The following UBXN1 variants were observed in gnomAD, a reference collection of about 807,000 sequenced individuals.
UBXN1 encodes UBX domain protein 1, also known as UBX domain-containing protein 1.
UBXN1 carries 21 observed loss-of-function variants against 42.0 expected under a neutral mutation model. The observed-to-expected ratio is 0.50, with a 90% CI of 0.35 to 0.72. The LOEUF is 0.72. UBXN1 is among the 30% of genes least tolerant of loss of function. The pLI is 0.00. For synonymous variants in UBXN1, 172 were observed against 142.6 expected (o/e 1.21, Z -1.47); for missense variants, 374 against 382.2 (o/e 0.98, Z 0.18).
chr11:62,677,906 C>T (rs1230010283), intron 5 of UBXN1, 21 bp downstream of exon 5: 2 of 1,613,932 alleles, frequency 1.2e-6, no homozygotes, highest in East Asian at 2.2e-5. Context: ...ATCTGCTATC[C>T]ATCATTTCCC....
chr11:62,679,062 A>G lies in UBXN1; in HGVS notation c.-139T>C, dbSNP rs937597196. ...ACCCGGCTCTATAGCAGCCGGGAAC[A>G]CCGACGAGAAGAAAGCCGAGGGGAA... On this transcript the variant is annotated 5_prime_UTR_variant, in exon 1 of 9. Coordinates refer to ENST00000301935, the MANE Select transcript of UBXN1 (RefSeq NM_001286077.2). 1.9e-5 allele frequency: 17 copies of G among 918,528 alleles called. No homozygotes were observed. The highest frequency in any genetic ancestry group is 2.6e-5 in the Non-Finnish European group (16 of 623,202). The allele number at this position is 918,528 out of a possible 1,614,324, so 56.9% of individuals were successfully genotyped here. A position where few individuals can be genotyped will look rare whatever the true frequency, so the allele number is the denominator to read the frequency against.
At position 62,677,510 on chromosome 11, in the gene UBXN1, A is replaced by T; in HGVS notation, c.651+8T>A. ...TCCCAAGAGGAAGATAAGAATTAGA[A>T]TCAGTACCTGTATGCGACACTGGTC... On this transcript the variant is annotated splice_region_variant and intron_variant, in intron 7 of 8. Coordinates refer to ENST00000301935, the MANE Select transcript of UBXN1 (RefSeq NM_001286077.2). The T allele has an allele frequency of 1.2e-6, 2 of 1,613,914 alleles. No homozygotes were observed. Among genetic ancestry groups the T allele is most frequent in the Non-Finnish European group, 1.7e-6 (2 of 1,179,780 alleles).
intron 2 of UBXN1, 40 bp from the exon 3 acceptor site, chr11:62,678,641 G>GCCCCCCCCC: frequency 1.9e-6 from 3 of 1,596,346 alleles, no homozygotes; most frequent in Admixed American, 1.7e-5. Flanking sequence ...CTTTGAGGCT[G>GCCCCCCCCC]CCCCTCCCGC....
Position 62,678,331 on chromosome 11 carries a change from T to TAA in UBXN1, c.290+7_290+8insTT, listed in dbSNP as rs756602937. ...ACCCTCAGACACGTGAGATTGTTGT[T>TAA]ACTGTACCTCTTAGTTTGTTCCTGT... On this transcript the variant is annotated splice_region_variant and intron_variant, in intron 4 of 8. Transcript: ENST00000301935. The TAA allele has an allele frequency of 6.2e-7, 1 of 1,614,168 alleles. No homozygotes were observed. The highest frequency in any genetic ancestry group is 1.7e-5 in the Admixed American group (1 of 60,008).
rs764283196 is a variant in UBXN1 at position 62,678,528 on chromosome 11, C to G, written c.187G>C (p.Glu63Gln). 1.2e-6 allele frequency: 2 copies of G among 1,611,344 alleles called. No individual in the cohort carries two copies. The highest frequency in any genetic ancestry group is 2.2e-5 in the East Asian group (1 of 44,852). The change falls in exon 3 of 9, where the codon GAG (glutamate) becomes CAG (glutamine). Residue 63 changes from glutamate to glutamine, a missense_variant. Glu to Gln is a conservative substitution (Grantham distance 29). Transcript: ENST00000301935. ...CCGCCTTGCTCTGAGGAAGTGGGCT[C>G]CCGTCCCAGGATATGTCCAAGGGGA... The part of the protein sequence containing the change: ...ETPLGHILGR[E>Q]PTSSEQGGLE...
In UBXN1 at chr11:62,679,030, C is replaced by T. The variant is rs913388254; in HGVS notation, c.-107G>A. On this transcript the variant is annotated 5_prime_UTR_variant, in exon 1 of 9. Coordinates refer to ENST00000301935, the MANE Select transcript of UBXN1 (RefSeq NM_001286077.2). ...CTCGACACCCGCCGACGGGCGCTCG[C>T]TCTCTCACCCGGCTCTATAGCAGCC... 3.2e-6 allele frequency: 4 copies of T among 1,245,582 alleles called. No homozygotes were observed. Among genetic ancestry groups the T allele is most frequent in the African/African-American group, 1.5e-5 (1 of 66,408 alleles). 77.2% of individuals were successfully genotyped at this position (1,245,582 alleles called of 1,614,324 possible). A position where few individuals can be genotyped will look rare whatever the true frequency, so the allele number is the denominator to read the frequency against.
Position 62,678,762 on chromosome 11 carries a change from T to A in UBXN1, c.60-19A>T. ...CTTCTCCCTGGGGGCAGAAACACCA[T>A]GAATAGCGCCCACGAGCCATGGTGA... On this transcript the variant is annotated intron_variant, in intron 1 of 8. Transcript: ENST00000301935. 1.2e-6 allele frequency: 2 copies of A among 1,609,186 alleles called. No homozygotes were observed. The highest frequency in any genetic ancestry group is 1.7e-6 in the Non-Finnish European group (2 of 1,177,610).
chr11:62,677,344 T>A (rs1945036157), intron 7 of UBXN1, 174 bp downstream of exon 7: 3 of 711,022 alleles, frequency 4.2e-6, no homozygotes. Context: ...TAAATACAAC[T>A]GGGGCAGGTG....
At chr11:62,678,828 C>A (rs1427197446) in intron 1 of UBXN1, 37 bp downstream of exon 1, 6 of 1,608,996 alleles carry the variant, frequency 3.7e-6, no homozygotes, top group Non-Finnish European at 5.1e-6. Context: ...TCCGCGACCC[C>A]CCACACCCGC....
At chr11:62,677,721 C>A in intron 6 of UBXN1, 60 bp downstream of exon 6, 2 of 1,613,530 alleles carry the variant, frequency 1.2e-6, no homozygotes, top group Non-Finnish European at 1.7e-6. Flanking sequence ...CCCTCTGAAG[C>A]TGGAAAAGAT....
chr11:62,678,986 C>A lies in UBXN1; in HGVS notation c.-63G>T. 6.6e-7 allele frequency: 1 copy of A among 1,517,284 alleles called. No homozygotes were observed. Among genetic ancestry groups the A allele is most frequent in the South Asian group, 1.2e-5 (1 of 82,546 alleles). The allele number at this position is 1,517,284 out of a possible 1,614,324, so 94.0% of individuals were successfully genotyped here. ...TGACGAGAAGGAGGGCGGGAAGGGT[C>A]AGCGCGAGGCAACCCGCCCTCGACA... On this transcript the variant is annotated 5_prime_UTR_variant, in exon 1 of 9. Coordinates refer to ENST00000301935, the MANE Select transcript of UBXN1 (RefSeq NM_001286077.2).
chr11:62,678,156 C>CA, intron 4 of UBXN1, 38 bp from the exon 5 acceptor site: 1 of 1,610,872 alleles, frequency 6.2e-7, no homozygotes, highest in Non-Finnish European at 8.5e-7. Context: ...GAGAAATGGA[C>CA]AGAGTGGGAA....
In UBXN1 at chr11:62,678,323, ATTG is replaced by A; in HGVS notation, c.290+13_290+15del. ...GGAAGACGACCCTCAGACACGTGAG[ATTG>A]TTGTTACTGTACCTCTTAGTTTGTT... On this transcript the variant is annotated intron_variant, in intron 4 of 8. Coordinates refer to ENST00000301935, the MANE Select transcript of UBXN1 (RefSeq NM_001286077.2). The A allele has an allele frequency of 6.2e-7, 1 of 1,614,100 alleles. No homozygotes were observed. The highest frequency in any genetic ancestry group is 1.1e-5 in the South Asian group (1 of 91,072).
chr11:62,677,144 G>A, intron 7 of UBXN1, 139 bp from the exon 8 acceptor site: 1 of 956,036 alleles, frequency 1.0e-6, no homozygotes, highest in Non-Finnish European at 1.5e-6. Flanking sequence ...CAAATGAACA[G>A]CCACTTAGGC....
chr11:62,676,746 C>A lies in UBXN1; in HGVS notation c.844+67G>T, dbSNP rs1445458818. 1.2e-6 allele frequency: 2 copies of A among 1,614,072 alleles called. No homozygotes were observed. The highest frequency in any genetic ancestry group is 2.7e-5 in the African/African-American group (2 of 74,936). On this transcript the variant is annotated intron_variant, in intron 8 of 8. Coordinates refer to ENST00000301935, the MANE Select transcript of UBXN1 (RefSeq NM_001286077.2). ...CAAAGCCCCTTCTCTTTGCATCCCT[C>A]CTTTTCCTAGGCATGCCTCCCTACT...
At chr11:62,677,699 A>C in intron 6 of UBXN1, 65 bp from the exon 7 acceptor site, 1 of 1,613,310 alleles carries the variant, frequency 6.2e-7, no homozygotes, top group Non-Finnish European at 8.5e-7. Flanking sequence ...AGATCATATA[A>C]GCCCATGCTT....
chr11:62,678,538 GAT>G lies in UBXN1; in HGVS notation c.175_176del (p.Ile59ProfsTer14). 1 of 1,611,740 alleles carries G rather than the reference GAT, an allele frequency of 6.2e-7. No homozygotes were observed. Among genetic ancestry groups the G allele is most frequent in the Non-Finnish European group, 8.5e-7 (1 of 1,178,664 alleles). On this transcript the variant is annotated frameshift_variant, in exon 3 of 9. Coordinates refer to ENST00000301935, the MANE Select transcript of UBXN1 (RefSeq NM_001286077.2). LOFTEE classifies it high-confidence loss of function. ...CTGAGGAAGTGGGCTCCCGTCCCAGGATATGTCCAAGGGGAGTCTCTAAAGGC... is the reference window on the plus strand; with the variant it reads ...CTGAGGAAGTGGGCTCCCGTCCCAGGATGTCCAAGGGGAGTCTCTAAAGGC... ...DEPLETPLGH[I>X]LGREPTSSEQ... is the part of the protein sequence containing the mutation.
Position 62,678,523 on chromosome 11 carries a change from G to T in UBXN1, c.192C>A (p.Pro64=), listed in dbSNP as rs748564352. 6.2e-7 allele frequency: 1 copy of T among 1,611,436 alleles called. No homozygotes were observed. The highest frequency in any genetic ancestry group is 2.2e-5 in the East Asian group (1 of 44,844). The change falls in exon 3 of 9, where the codon CCC becomes CCA. Residue 64 remains proline, a synonymous_variant. Coordinates refer to ENST00000301935, the MANE Select transcript of UBXN1 (RefSeq NM_001286077.2). The part of the protein sequence containing the change: ...TPLGHILGRE[P]TSSEQGGLEG... ...CAAGGCCGCCTTGCTCTGAGGAAGT[G>T]GGCTCCCGTCCCAGGATATGTCCAA... is the stretch of plus-strand genomic sequence containing the variant.
rs775676482 is a variant in UBXN1, at chr11:62,676,657, C to T, written c.845-18G>A. 1 of 1,614,196 alleles carries T rather than the reference C, an allele frequency of 6.2e-7. No individual in the cohort carries two copies. Among genetic ancestry groups the T allele is most frequent in the Admixed American group, 1.7e-5 (1 of 60,010 alleles). On this transcript the variant is annotated intron_variant, in intron 8 of 8. Coordinates refer to ENST00000301935, the MANE Select transcript of UBXN1 (RefSeq NM_001286077.2). ...CACGAGTCCTGAAGATGGAAGAAAA[C>T]AGGCTTGAACCACAAGGATACTTGG...
Sources: gnomAD v4.1 joint callset for allele counts on GRCh38, gnomAD v4.1.1 for gene constraint, MANE v1.5 for transcripts, NCBI Gene and HGNC (gene_info 2026-07-23, HGNC 2026-07-21) for gene names.